Variants in LIPE observed in about 807,000 individuals in gnomAD.
LIPE encodes the protein hormone-sensitive lipase.
A neutral mutation model predicts 88.5 loss-of-function variants in LIPE; 66 were observed. The observed-to-expected ratio is 0.75, with a 90% CI of 0.61 to 0.91. The LOEUF (loss-of-function observed/expected upper bound fraction) is 0.91, where lower values mean the gene tolerates loss of function less well. Ranked by LOEUF, LIPE falls within the 40% of genes least tolerant of loss-of-function variation. The probability of loss-of-function intolerance (pLI) is 0.00; values close to 1 mark genes in which losing one functional copy is unlikely to be tolerated. For missense variants in LIPE, 1,346 were observed against 1,434.7 expected, an observed-to-expected ratio of 0.94 and a Z score of 1.00; for synonymous variants, 570 against 617.5, an observed-to-expected ratio of 0.92 and a Z score of 1.14.
Position 42,407,704 on chromosome 19 carries a change from C to T in LIPE, c.1744G>A (p.Asp582Asn), listed in dbSNP as rs370795749. Residue 582 changes from aspartate (D) to asparagine (N), a missense_variant, in exon 5 of 10, where the codon GAC becomes AAC. Asp to Asn is a conservative substitution (Grantham distance 23). Transcript: ENST00000244289. The surrounding 1 kb of genome is among the most constrained non-coding windows in gnomAD (Gnocchi z 5.8). ...GAGATGGTGACCGTGAGCGTGGGGT[C>T]GGCAGTCAGTGGCATCTCAAAGGCT... ...PEAFEMPLTA[D>N]PTLTVTISPP... The T allele has an allele frequency of 2.5e-5, 40 of 1,588,948 alleles. No homozygotes were observed. The highest frequency in any genetic ancestry group is 3.1e-5 in the Non-Finnish European group (36 of 1,168,946).
rs1391391192 is a variant in LIPE, at chr19:42,406,798, C to T, written c.2137+376G>A. Among the ~76,000 whole-genome samples, 4 of 152,194 alleles carry T rather than the reference C, an allele frequency of 2.6e-5. No homozygotes were observed. Among genetic ancestry groups the T allele is most frequent in the Non-Finnish European group, 5.9e-5 (4 of 68,034 alleles). On this transcript the variant is annotated intron_variant, in intron 6 of 9. Transcript: ENST00000244289. The surrounding 1 kb of genome is among the most constrained non-coding windows in gnomAD (Gnocchi z 5.7). ...CTCTGTGCCCTGGGGCATGGCCACA[C>T]TCTGCTCTGTGCCTCAGTGTCCTCC...
chr19:42,409,287 C>T (rs1343324932), intron 2 of LIPE, among the ~76,000 whole-genome samples: 1 of 151,300 alleles, frequency 6.6e-6, no homozygotes, highest in Non-Finnish European at 1.5e-5. Context: ...TGCAGTGGCT[C>T]ATGCCTGTAA....
rs1262415067 is a variant in LIPE at position 42,407,883 on chromosome 19, G to A, written c.1657-92C>T. The A allele has an allele frequency of 6.4e-7, 1 of 1,562,286 alleles. No homozygotes were observed. The highest frequency in any genetic ancestry group is 1.4e-5 in the African/African-American group (1 of 73,746). On this transcript the variant is annotated intron_variant, in intron 4 of 9. Coordinates refer to ENST00000244289, the MANE Select transcript of LIPE (RefSeq NM_005357.4). The surrounding 1 kb of genome is among the most constrained non-coding windows in gnomAD (Gnocchi z 5.8). ...TCTGATCCCCAGTCTTTCCCCTTGTGTGCCATCCCTGGGCCTGGAGCCCCA... is the reference window on the plus strand; with the variant it reads ...TCTGATCCCCAGTCTTTCCCCTTGTATGCCATCCCTGGGCCTGGAGCCCCA...
intron 1 of LIPE, among the ~76,000 whole-genome samples, chr19:42,420,192 G>A (rs763439772): frequency 8.5e-5 from 13 of 152,090 alleles, no homozygotes; most frequent in East Asian, 3.9e-4. Flanking sequence ...GGCCAGCAGG[G>A]GGCAGCTCCA....
intron 9 of LIPE, among the ~76,000 whole-genome samples, chr19:42,402,399 C>G (rs1445263648): frequency 6.6e-6 from 1 of 152,042 alleles, no homozygotes; most frequent in African/African-American, 2.4e-5. Context: ...TCTCTTGGTA[C>G]TCAAAATTGC....
intron 9 of LIPE, 76 bp downstream of exon 9, chr19:42,402,531 C>T: frequency 7.6e-7 from 1 of 1,318,998 alleles, no homozygotes; most frequent in Non-Finnish European, 1.0e-6. Flanking sequence ...CAGGTGTACC[C>T]GTGCCCGGTC....
rs563421205 is a variant in LIPE at position 42,423,950 on chromosome 19, G to T, written c.883+2317C>A. On this transcript the variant is annotated intron_variant, in intron 1 of 9. Coordinates refer to ENST00000244289, the MANE Select transcript of LIPE (RefSeq NM_005357.4). ...TTCCCAGGGAGGGATGCCCTAGCAC[G>T]CGGCCCGGCCCGCCTTTTGAAGGGG... 1.3e-5 allele frequency: 15 copies of T among 1,167,486 alleles called. No individual in the cohort carries two copies. The African/African-American group carries it at 1.8e-4, about 14-fold the overall frequency. 72.3% of individuals were successfully genotyped at this position (1,167,486 alleles called of 1,614,324 possible).
At position 42,407,952 on chromosome 19, in the gene LIPE, TC is replaced by T. The variant is rs2040241717; in HGVS notation, c.1656+23del. On this transcript the variant is annotated intron_variant, in intron 4 of 9. Coordinates refer to ENST00000244289, the MANE Select transcript of LIPE (RefSeq NM_005357.4). This position sits in a 1 kb window ranked among gnomAD's most constrained non-coding sequence, Gnocchi z 5.8. The stretch of plus-strand genomic sequence containing the variant: ...TCAGATGAGTCTCTGGGCCTCAGTG[TC>T]CCCATCTGCAACAGGCCCTCACCGA... 1 of 1,606,786 alleles carries T rather than the reference TC, an allele frequency of 6.2e-7. No homozygotes were observed. The highest frequency in any genetic ancestry group is 1.3e-5 in the African/African-American group (1 of 74,570).
In LIPE at chr19:42,407,801, G is replaced by A. The variant is rs2040237031; in HGVS notation, c.1657-10C>T. ...CCATGTTGGCCAGAGACTGGAGGGAGGGGACAGAAGGGGTGCTAGGGAAGG... is the reference window on the plus strand; with the variant it reads ...CCATGTTGGCCAGAGACTGGAGGGAAGGGACAGAAGGGGTGCTAGGGAAGG... On this transcript the variant is annotated splice_polypyrimidine_tract_variant and intron_variant, in intron 4 of 9. Coordinates refer to ENST00000244289, the MANE Select transcript of LIPE (RefSeq NM_005357.4). The surrounding 1 kb of genome is among the most constrained non-coding windows in gnomAD (Gnocchi z 5.8). 6.5e-7 allele frequency: 1 copy of A among 1,543,636 alleles called. No homozygotes were observed.
At position 42,408,121 on chromosome 19, in the gene LIPE, C is replaced by G; in HGVS notation, c.1511G>C (p.Ser504Thr). ...GGTGAAGAGAGAGCTGGCGGCCACA[C>G]CTAGGGGTCAGAAGGGGTGTCAGGG... Reference protein sequence around the residue: ...EHYKRNETGLSVAASSLFTSG... With the variant: ...EHYKRNETGLTVAASSLFTSG... The change falls in exon 4 of 10, where the codon AGT (serine) becomes ACT (threonine). Residue 504 changes from serine to threonine, a missense_variant and splice_region_variant. By Grantham distance (58) the Ser-to-Thr change is moderately conservative (BLOSUM62 1). Transcript: ENST00000244289. The surrounding 1 kb of genome is among the most constrained non-coding windows in gnomAD (Gnocchi z 4.3). 1 of 1,613,868 alleles carries G rather than the reference C, an allele frequency of 6.2e-7. No homozygotes were observed. The highest frequency in any genetic ancestry group is 1.3e-5 in the African/African-American group (1 of 75,006).
intron 8 of LIPE, among the ~76,000 whole-genome samples, chr19:42,404,446 G>A (rs1406206033): frequency 6.6e-6 from 1 of 152,086 alleles, no homozygotes; most frequent in Non-Finnish European, 1.5e-5. Flanking sequence ...GGTCAGGCTG[G>A]TCTCAAACTC....
Position 42,410,337 on chromosome 19 carries a change from T to C in LIPE, c.1389A>G (p.Gly463=), listed in dbSNP as rs922923539. The C allele has an allele frequency of 2.2e-5, 36 of 1,607,214 alleles. No homozygotes were observed. Among genetic ancestry groups the C allele is most frequent in the Non-Finnish European group, 3.0e-5 (35 of 1,176,700 alleles). ...AGCCCAGGCAGCGGCCATAGAAGCA[T>C]CCCTTATGCAGCGTGACATACTCCC... ...FLREYVTLHK[G]CFYGRCLGFQ... Residue 463 remains glycine, a synonymous_variant, in exon 2 of 10, where the codon GGA becomes GGG. Coordinates refer to ENST00000244289, the MANE Select transcript of LIPE (RefSeq NM_005357.4). The surrounding 1 kb of genome is among the most constrained non-coding windows in gnomAD (Gnocchi z 6.1).
Position 42,414,844 on chromosome 19 carries a change from G to A in LIPE, c.884-4002C>T, listed in dbSNP as rs1178969562. 1.3e-5 allele frequency among the ~76,000 whole-genome samples: 2 copies of A among 152,192 alleles called. No homozygotes were observed. The highest frequency in any genetic ancestry group is 6.5e-5 in the Admixed American group (1 of 15,276). On this transcript the variant is annotated intron_variant, in intron 1 of 9. Coordinates refer to ENST00000244289, the MANE Select transcript of LIPE (RefSeq NM_005357.4). The surrounding 1 kb of genome is among the most constrained non-coding windows in gnomAD (Gnocchi z 4.6). ...ACCAACCATGTCCACGTAAGAGGGCGAACTTTACCGATTAATGCTGTGTGT... is the reference window on the plus strand; with the variant it reads ...ACCAACCATGTCCACGTAAGAGGGCAAACTTTACCGATTAATGCTGTGTGT...
chr19:42,425,667 C>T (rs572801708), intron 1 of LIPE, among the ~76,000 whole-genome samples: 1 of 152,160 alleles, frequency 6.6e-6, no homozygotes, highest in African/African-American at 2.4e-5. Flanking sequence ...TAAAAATTAG[C>T]GGGGCATGGT....
intron 1 of LIPE, among the ~76,000 whole-genome samples, chr19:42,419,502 G>C (rs2040553548): frequency 6.6e-6 from 1 of 152,216 alleles, no homozygotes; most frequent in Admixed American, 6.5e-5. Context: ...CCCTGGCAGA[G>C]GGCACTGGGG....
At chr19:42,413,188 C>T (rs1174420141) in intron 1 of LIPE, among the ~76,000 whole-genome samples, 5 of 152,250 alleles carry the variant, frequency 3.3e-5, no homozygotes, top group African/African-American at 9.6e-5. Flanking sequence ...AAGATATGCA[C>T]GCCCCCGTTA....
intron 2 of LIPE, among the ~76,000 whole-genome samples, chr19:42,409,398 T>C (rs536620788): frequency 2.7e-4 from 6 of 22,378 alleles, no homozygotes; most frequent in African/African-American, 1.2e-3. Context: ...CTAAACAAAA[T>C]ACAAAAAAAA....
intron 8 of LIPE, among the ~76,000 whole-genome samples, chr19:42,404,476 G>A (rs1281851764): frequency 6.6e-6 from 1 of 152,036 alleles, no homozygotes; most frequent in Non-Finnish European, 1.5e-5. Context: ...TGATCTGCCC[G>A]CCTCGGCCTC....
At chr19:42,420,276 T>C (rs2040572085) in intron 1 of LIPE, among the ~76,000 whole-genome samples, 1 of 152,132 alleles carries the variant, frequency 6.6e-6, no homozygotes, top group Admixed American at 6.5e-5. Flanking sequence ...ATATGCTTTC[T>C]GGTCGGGTGT....
Sources: gnomAD v4.1 joint callset for allele counts (sites outside exome capture counted in the v4.1 genomes callset) on GRCh38, gnomAD v4.1.1 for gene constraint, Gnocchi (gnomAD v3.1) non-coding constraint, MANE v1.5 for transcripts, NCBI Gene and HGNC (gene_info 2026-07-23, HGNC 2026-07-21) for gene names.